Variants in SIK3 observed in about 807,000 individuals in gnomAD.
SIK3 encodes the protein SIK family kinase 3, also known as serine/threonine-protein kinase SIK3.
SIK3 carries 28 observed loss-of-function variants against 144.2 expected under a neutral mutation model. That is an observed-to-expected ratio of 0.19 (90% CI 0.14 to 0.27). The LOEUF (loss-of-function observed/expected upper bound fraction) is 0.27, where lower values mean the gene tolerates loss of function less well. Ranked by LOEUF, SIK3 falls within the 10% of genes least tolerant of loss-of-function variation. The probability of loss-of-function intolerance (pLI) is 1.00; values close to 1 mark genes in which losing one functional copy is unlikely to be tolerated. For missense variants in SIK3, 1,319 were observed against 1,776.0 expected (o/e 0.74, Z 4.62); for synonymous variants, 686 against 676.3 (o/e 1.01, Z -0.22).
intron 1 of SIK3, among the ~76,000 whole-genome samples, chr11:117,079,516 A>C (rs10736487): frequency 3.3e-5 from 5 of 152,008 alleles, no homozygotes; most frequent in Non-Finnish European, 7.4e-5. Flanking sequence ...TGCCCTCATG[A>C]GACTTACAGT....
Position 116,846,662 on chromosome 11 carries a change from T to C in SIK3, c.3953-109A>G. The C allele has an allele frequency of 7.9e-7, 1 of 1,267,016 alleles. No individual in the cohort carries two copies. The highest frequency in any genetic ancestry group is 1.1e-6 in the Non-Finnish European group (1 of 901,456). 78.5% of individuals were successfully genotyped at this position (1,267,016 alleles called of 1,614,324 possible). ...GCAACCTGTCGAGCATCCCACAGCC[T>C]GACTCCCAGCCCTGAATTCTAGCTC... is the stretch of plus-strand genomic sequence containing the variant. On this transcript the variant is annotated intron_variant, in intron 23 of 24. Coordinates refer to ENST00000445177, the MANE Select transcript of SIK3 (RefSeq NM_001366686.3). The surrounding 1 kb of genome is among the most constrained non-coding windows in gnomAD (Gnocchi z 4.1).
At chr11:117,043,703 T>C (rs1382163634) in intron 1 of SIK3, among the ~76,000 whole-genome samples, 2 of 152,216 alleles carry the variant, frequency 1.3e-5, no homozygotes, top group Non-Finnish European at 2.9e-5. Flanking sequence ...TCATGTCTAA[T>C]TAATTATTTA....
At position 116,861,326 on chromosome 11, in the gene SIK3, C is replaced by T. The variant is rs776713965; in HGVS notation, c.2373G>A (p.Arg791=). The change falls in exon 19 of 25, where the codon AGG becomes AGA. Residue 791 remains arginine (R), a synonymous_variant. Transcript: ENST00000445177. ...TGGGGGGAGGACTATTACTGGGCTG[C>T]CTGAAGAGATGGTTGTTGGGGTGGT... ...PPNHPNNHLF[R]QPSNSPPPMS... 6.3e-7 allele frequency: 1 copy of T among 1,595,688 alleles called. No individual in the cohort carries two copies. The highest frequency in any genetic ancestry group is 8.5e-7 in the Non-Finnish European group (1 of 1,175,018).
At chr11:116,880,251 T>C (rs1375663607) in intron 6 of SIK3, among the ~76,000 whole-genome samples, 1 of 151,766 alleles carries the variant, frequency 6.6e-6, no homozygotes, top group African/African-American at 2.4e-5. Context: ...TTGAAACCTC[T>C]ATTCAGTCAT....
intron 6 of SIK3, among the ~76,000 whole-genome samples, chr11:116,884,447 A>C (rs1944709448): frequency 6.6e-6 from 1 of 151,756 alleles, no homozygotes; most frequent in Admixed American, 6.6e-5. Context: ...CCCGGGTTCA[A>C]ATGATTATCC....
At chr11:116,873,364 T>C in intron 13 of SIK3, 117 bp downstream of exon 13, 1 of 1,405,944 alleles carries the variant, frequency 7.1e-7, no homozygotes, top group Non-Finnish European at 9.8e-7. Flanking sequence ...GCATCCTAAG[T>C]TTGGAGAAAA....
chr11:116,950,097 G>A (rs1948864814), intron 3 of SIK3: 1 of 470,566 alleles, frequency 2.1e-6, no homozygotes, highest in Non-Finnish European at 4.4e-6. Context: ...AATACCCAAG[G>A]CAAGAGTGAT....
intron 6 of SIK3, among the ~76,000 whole-genome samples, chr11:116,885,135 T>C (rs2134649793): frequency 6.6e-6 from 1 of 152,342 alleles, no homozygotes; most frequent in South Asian, 2.1e-4. Flanking sequence ...TAAAGTTCTT[T>C]ATATCTCTAA....
intron 19 of SIK3, among the ~76,000 whole-genome samples, chr11:116,860,238 C>T (rs1413049335): frequency 9.6e-5 from 14 of 145,870 alleles, no homozygotes; most frequent in Non-Finnish European, 1.5e-5. Context: ...GGGGAGACTC[C>T]ATCTCAAAAA....
chr11:117,088,142 T>G (rs573687465), intron 1 of SIK3, among the ~76,000 whole-genome samples: 2 of 152,070 alleles, frequency 1.3e-5, no homozygotes, highest in Non-Finnish European at 2.9e-5. Flanking sequence ...GAGGCTGAAG[T>G]AGAAGGATGA....
Position 117,082,329 on chromosome 11 carries a change from C to T in SIK3, c.273+15814G>A, listed in dbSNP as rs149189597. Among the ~76,000 whole-genome samples, 225 of 152,142 alleles carry T rather than the reference C, an allele frequency of 1.5e-3. 1 individual carries two copies. The highest frequency in any genetic ancestry group is 5.2e-3 in the African/African-American group (216 of 41,468). Reference sequence around the variant, plus strand: ...ACATGATCACACAGAAATTTGTACACAAATGTTCAAGACCATATTATTCAT... The same window carrying T: ...ACATGATCACACAGAAATTTGTACATAAATGTTCAAGACCATATTATTCAT... On this transcript the variant is annotated intron_variant, in intron 1 of 24. Transcript: ENST00000445177.
At chr11:116,874,871 T>A (rs747429329) in intron 11 of SIK3, among the ~76,000 whole-genome samples, 30 of 152,216 alleles carry the variant, frequency 2.0e-4, no homozygotes, top group Non-Finnish European at 4.0e-4. Context: ...TGGGGCGAGC[T>A]GGCCTTCAGT....
intron 13 of SIK3, among the ~76,000 whole-genome samples, chr11:116,871,831 G>A (rs865932639): frequency 6.6e-6 from 1 of 152,208 alleles, no homozygotes; most frequent in South Asian, 2.1e-4. Context: ...CCCAAGAGGA[G>A]GAGCAGGTTT....
At chr11:116,972,086 CAAAAA>C (rs35775477) in intron 1 of SIK3, among the ~76,000 whole-genome samples, 1 of 111,976 alleles carries the variant, frequency 8.9e-6, no homozygotes, top group Non-Finnish European at 2.0e-5. Flanking sequence ...GACTCGGTCT[CAAAAA>C]AAAAAAAAAA....
chr11:116,881,828 AC>A (rs1944567635), intron 6 of SIK3, among the ~76,000 whole-genome samples: 2 of 152,342 alleles, frequency 1.3e-5, no homozygotes, highest in South Asian at 4.1e-4. Flanking sequence ...AAAGTGCTAA[AC>A]CCTTTAAGTT....
intron 3 of SIK3, among the ~76,000 whole-genome samples, chr11:116,939,381 C>T (rs528891013): frequency 2.0e-5 from 3 of 152,284 alleles, no homozygotes; most frequent in East Asian, 3.9e-4. Context: ...ATCCTGACCT[C>T]GTGATCCACC....
intron 1 of SIK3, among the ~76,000 whole-genome samples, chr11:116,990,473 A>G (rs1213216292): frequency 6.6e-6 from 1 of 152,218 alleles, no homozygotes; most frequent in East Asian, 1.9e-4. Flanking sequence ...AACAAATCTG[A>G]ACTCAGAATA....
chr11:116,881,127 A>C (rs1275081193), intron 6 of SIK3, among the ~76,000 whole-genome samples: 1 of 152,050 alleles, frequency 6.6e-6, no homozygotes, highest in African/African-American at 2.4e-5. Context: ...CCGTCTCTAA[A>C]AAAATAAATA....
intron 1 of SIK3, among the ~76,000 whole-genome samples, chr11:116,973,058 G>A (rs1278964667): frequency 1.3e-5 from 2 of 152,110 alleles, no homozygotes; most frequent in Non-Finnish European, 2.9e-5. Flanking sequence ...CTACCTGAAC[G>A]ATCTCGTAAG....
Sources: gnomAD v4.1 joint callset for allele counts (sites outside exome capture counted in the v4.1 genomes callset) on GRCh38, gnomAD v4.1.1 for gene constraint, Gnocchi (gnomAD v3.1) non-coding constraint, MANE v1.5 for transcripts, NCBI Gene and HGNC (gene_info 2026-07-23, HGNC 2026-07-21) for gene names.